The following IFT52 variants were observed in gnomAD, a reference collection of about 807,000 sequenced individuals.
The protein encoded by IFT52 is intraflagellar transport 52, also known as intraflagellar transport protein 52 homolog.
A neutral mutation model predicts 54.4 loss-of-function variants in IFT52; 44 were observed. That is an observed-to-expected ratio of 0.81 (90% CI 0.63 to 1.04). The LOEUF (loss-of-function observed/expected upper bound fraction) is 1.04. IFT52 is among the 50% of genes least tolerant of loss of function. The pLI, the probability that IFT52 is intolerant of heterozygous loss-of-function variation, is 0.00. For synonymous variants in IFT52, 181 were observed against 185.3 expected (o/e 0.98, Z 0.19); for missense variants, 452 against 523.6 (o/e 0.86, Z 1.33).
intron 9 of IFT52, among the ~76,000 whole-genome samples, chr20:43,622,495 C>G (rs899339880): frequency 2.6e-5 from 4 of 151,320 alleles, no homozygotes; most frequent in Non-Finnish European, 5.9e-5. Flanking sequence ...CCCAGCTACT[C>G]GGGAGGCTGA....
chr20:43,593,113 TAAG>T (rs965111691), intron 1 of IFT52, among the ~76,000 whole-genome samples: 14 of 151,882 alleles, frequency 9.2e-5, no homozygotes, highest in Non-Finnish European at 1.2e-4. Flanking sequence ...ATAATAATAA[TAAG>T]AAGAAGTTTT....
chr20:43,637,218 C>T lies in IFT52; in HGVS notation c.1085C>T (p.Ser362Phe). 2 of 1,595,096 alleles carry T rather than the reference C, an allele frequency of 1.3e-6. No individual in the cohort carries two copies. The highest frequency in any genetic ancestry group is 1.7e-6 in the Non-Finnish European group (2 of 1,174,260). ...ELFDLDETFS[S>F]EKARLAQITN... is the part of the protein sequence containing the mutation. ...TTTGATTTAGATGAAACGTTCTCCT[C>T]TGAGAAGGCACGGCTGGCTCAGATT... The change falls in exon 12 of 14, where the codon TCT becomes TTT. Residue 362 changes from serine (S) to phenylalanine (F), a missense_variant. Coordinates refer to ENST00000373030, the MANE Select transcript of IFT52 (RefSeq NM_016004.5).
chr20:43,622,776 A>T (rs1240981765), intron 9 of IFT52, among the ~76,000 whole-genome samples: 3 of 109,946 alleles, frequency 2.7e-5, no homozygotes, highest in Non-Finnish European at 5.6e-5. Flanking sequence ...AATTGTGTGT[A>T]AATATAAATA....
Position 43,594,669 on chromosome 20 carries a change from C to T in IFT52, c.-6-24C>T, listed in dbSNP as rs779866421. 9 of 1,229,446 alleles carry T rather than the reference C, an allele frequency of 7.3e-6. No individual in the cohort carries two copies. In the South Asian group the frequency reaches 7.4e-5, roughly 10 times the overall value. The allele number at this position is 1,229,446 out of a possible 1,614,324, so 76.2% of individuals were successfully genotyped here. On this transcript the variant is annotated intron_variant, in intron 1 of 13. Coordinates refer to ENST00000373030, the MANE Select transcript of IFT52 (RefSeq NM_016004.5). Reference sequence around the variant, plus strand: ...CTTTGGAATATTGTTTATTGATTTTCTGATCCCATCTTTCTTCCATAAGGT... The same window carrying T: ...CTTTGGAATATTGTTTATTGATTTTTTGATCCCATCTTTCTTCCATAAGGT...
chr20:43,591,177 TG>T (rs1601011153), intron 1 of IFT52, 123 bp downstream of exon 1: 1 of 152,140 alleles, frequency 6.6e-6, no homozygotes, highest in Non-Finnish European at 1.5e-5. Context: ...TCCCCCGGGG[TG>T]AAGTAAACTG....
chr20:43,593,697 A>G (rs1981708623), intron 1 of IFT52, among the ~76,000 whole-genome samples: 1 of 152,042 alleles, frequency 6.6e-6, no homozygotes, highest in Admixed American at 6.6e-5. Flanking sequence ...AGCCTCCCGA[A>G]TAGCTGGGAC....
At chr20:43,602,702 GT>G (rs1230297372) in intron 3 of IFT52, among the ~76,000 whole-genome samples, 5 of 151,842 alleles carry the variant, frequency 3.3e-5, no homozygotes, top group Admixed American at 1.3e-4. Flanking sequence ...AGAGACGGGG[GT>G]TTCACCATGT....
chr20:43,601,539 G>A (rs1458088766), intron 3 of IFT52, among the ~76,000 whole-genome samples: 1 of 152,172 alleles, frequency 6.6e-6, no homozygotes, highest in Admixed American at 6.6e-5. Flanking sequence ...CATCCTTCAT[G>A]TATCTTTTTC....
At position 43,637,167 on chromosome 20, in the gene IFT52, A is replaced by G; in HGVS notation, c.1034A>G (p.Glu345Gly). The G allele has an allele frequency of 1.2e-6, 2 of 1,612,264 alleles. No homozygotes were observed. The highest frequency in any genetic ancestry group is 2.2e-5 in the South Asian group (2 of 91,002). ...TAGGTTTTTCCTCCCAGTTTCCGGGAGTTACCACCTCCTCCTCTGGAGCTA... is the reference window on the plus strand; with the variant it reads ...TAGGTTTTTCCTCCCAGTTTCCGGGGGTTACCACCTCCTCCTCTGGAGCTA... Reference protein sequence around the residue: ...QPAVFPPSFRELPPPPLELFD... With the variant: ...QPAVFPPSFRGLPPPPLELFD... Residue 345 changes from glutamate (E) to glycine (G), a missense_variant, in exon 12 of 14, where the codon GAG (glutamate) becomes GGG (glycine). Physicochemically the swap from Glu to Gly is moderately conservative, Grantham distance 98. Coordinates refer to ENST00000373030, the MANE Select transcript of IFT52 (RefSeq NM_016004.5).
intron 6 of IFT52, among the ~76,000 whole-genome samples, chr20:43,610,933 G>A: frequency 6.6e-6 from 1 of 152,112 alleles, no homozygotes. Context: ...TCTGTGTAGT[G>A]GGGATAATGT....
intron 3 of IFT52, among the ~76,000 whole-genome samples, chr20:43,597,028 A>G (rs534959531): frequency 6.7e-6 from 1 of 149,754 alleles, no homozygotes; most frequent in African/African-American, 2.4e-5. Context: ...GGTGTGAGCC[A>G]CCGAGCCCAG....
chr20:43,635,972 C>T lies in IFT52; in HGVS notation c.970C>T (p.Gln324Ter). ...GAAACATGAACCACTCCAGCTCATC[C>T]AGCCTCAGTTTGAGACGCCGCTGCC... ...NVKHEPLQLIQPQFETPLPTL... is the reference protein window; with the variant it reads ...NVKHEPLQLI Residue 324 changes from glutamine to a stop codon, truncating the protein, a stop_gained, in exon 11 of 14, where the codon CAG (glutamine) becomes TAG (stop). Coordinates refer to ENST00000373030, the MANE Select transcript of IFT52 (RefSeq NM_016004.5). LOFTEE classifies it high-confidence loss of function. 1 of 1,614,210 alleles carries T rather than the reference C, an allele frequency of 6.2e-7. No individual in the cohort carries two copies. The highest frequency in any genetic ancestry group is 8.5e-7 in the Non-Finnish European group (1 of 1,180,030).
At chr20:43,592,668 T>C (rs1981626536) in intron 1 of IFT52, among the ~76,000 whole-genome samples, 2 of 152,208 alleles carry the variant, frequency 1.3e-5, no homozygotes, top group Non-Finnish European at 2.9e-5. Context: ...AAGTGTTTCA[T>C]GTCATCCAGA....
At chr20:43,600,278 TACTG>T (rs1255376785) in intron 3 of IFT52, among the ~76,000 whole-genome samples, 2 of 152,052 alleles carry the variant, frequency 1.3e-5, no homozygotes, top group East Asian at 3.9e-4. Context: ...TTTTCCAAAA[TACTG>T]ACTAACTCTT....
At chr20:43,600,344 A>G (rs1986255) in intron 3 of IFT52, among the ~76,000 whole-genome samples, 117,287 of 150,270 alleles carry the variant, frequency 0.78, 46,014 homozygotes, top group Non-Finnish European at 0.81. Flanking sequence ...TTGCTCTGTC[A>G]CCCAGGCTGG....
intron 6 of IFT52, among the ~76,000 whole-genome samples, chr20:43,607,669 A>G (rs569891545): frequency 7.6e-5 from 10 of 131,980 alleles, no homozygotes; most frequent in African/African-American, 2.9e-4. Flanking sequence ...CAGACTGGGC[A>G]GCCAGGCAGA....
chr20:43,636,111 T>C (rs1985523683), intron 11 of IFT52, 98 bp downstream of exon 11: 2 of 1,109,324 alleles, frequency 1.8e-6, no homozygotes, highest in Non-Finnish European at 2.7e-6. Context: ...GTGCCATTTG[T>C]GGCACTCCTT....
chr20:43,640,119 G>A (rs530012868), intron 12 of IFT52, among the ~76,000 whole-genome samples: 1 of 152,176 alleles, frequency 6.6e-6, no homozygotes, highest in East Asian at 1.9e-4. Flanking sequence ...AGCTAAGATT[G>A]TGCCACTGTC....
chr20:43,641,072 G>A (rs1463570720), intron 12 of IFT52, among the ~76,000 whole-genome samples: 1 of 148,832 alleles, frequency 6.7e-6, no homozygotes, highest in African/African-American at 2.5e-5. Context: ...AGAAATTACA[G>A]TATAATGTGA....
Sources: gnomAD v4.1 joint callset for allele counts (sites outside exome capture counted in the v4.1 genomes callset) on GRCh38, gnomAD v4.1.1 for gene constraint, MANE v1.5 for transcripts, NCBI Gene and HGNC (gene_info 2026-07-23, HGNC 2026-07-21) for gene names.